Variants in PLXNA4 observed in about 807,000 individuals in gnomAD.
The protein encoded by PLXNA4 is plexin-A4.
Under a neutral mutation model 191.8 loss-of-function variants are expected in PLXNA4, and 44 were observed. That is an observed-to-expected ratio of 0.23 (90% CI 0.18 to 0.29). The LOEUF is 0.29. PLXNA4 is among the 10% of genes least tolerant of loss of function. The probability of loss-of-function intolerance (pLI) is 1.00; values close to 1 mark genes in which losing one functional copy is unlikely to be tolerated. For missense variants in PLXNA4, 1,800 were observed against 2,488.8 expected, an observed-to-expected ratio of 0.72 and a Z score of 5.89; for synonymous variants, 1,082 against 1,009.5, an observed-to-expected ratio of 1.07 and a Z score of -1.36.
chr7:132,474,479 A>C (rs73724022), intron 3 of PLXNA4, among the ~76,000 whole-genome samples: 4,602 of 152,106 alleles, frequency 0.03, 150 homozygotes, highest in African/African-American at 0.08. Flanking sequence ...CCTGCTTTCC[A>C]TCACCCAGGT....
intron 3 of PLXNA4, among the ~76,000 whole-genome samples, chr7:132,456,839 T>C (rs1796333441): frequency 6.6e-6 from 1 of 152,222 alleles, no homozygotes; most frequent in Non-Finnish European, 1.5e-5. Context: ...AACTGGTTCC[T>C]ACATCCCCAT....
chr7:132,307,139 C>A (rs777797781), intron 3 of PLXNA4, among the ~76,000 whole-genome samples: 2 of 152,130 alleles, frequency 1.3e-5, no homozygotes, highest in Admixed American at 6.5e-5. Flanking sequence ...CAGGCCCTCA[C>A]TGCCAATATC....
intron 4 of PLXNA4, among the ~76,000 whole-genome samples, chr7:132,254,111 T>G (rs1799350190): frequency 6.6e-6 from 1 of 152,160 alleles, no homozygotes; most frequent in Non-Finnish European, 1.5e-5. Context: ...CATAACTAAC[T>G]ATCTTAAGGC....
At chr7:132,475,480 C>T (rs923219158) in intron 3 of PLXNA4, among the ~76,000 whole-genome samples, 5 of 152,106 alleles carry the variant, frequency 3.3e-5, no homozygotes, top group Non-Finnish European at 7.4e-5. Flanking sequence ...ACCCTTGATG[C>T]CAGGAACCGC....
intron 20 of PLXNA4, among the ~76,000 whole-genome samples, chr7:132,179,017 T>TAC (rs1796591004): frequency 1.0e-5 from 1 of 97,956 alleles, no homozygotes; most frequent in Admixed American, 1.2e-4. Flanking sequence ...CACATACACA[T>TAC]ATACAGGCGC....
intron 1 of PLXNA4, among the ~76,000 whole-genome samples, chr7:132,527,601 T>G (rs12535486): frequency 0.039 from 5,463 of 141,428 alleles, 261 homozygotes; most frequent in African/African-American, 0.12. Flanking sequence ...GTGAACGGAC[T>G]AACAAGATTC....
chr7:132,198,503 C>A lies in PLXNA4; in HGVS notation c.2720G>T (p.Gly907Val). 6.2e-7 allele frequency: 1 copy of A among 1,614,156 alleles called. No individual in the cohort carries two copies. The highest frequency in any genetic ancestry group is 1.1e-5 in the South Asian group (1 of 91,080). Reference protein sequence around the residue: ...AGVECSPLVDGYIPAEQIVCE... With the variant: ...AGVECSPLVDVYIPAEQIVCE... ...CACTTACTGTTCTGCAGGGATGTAA[C>A]CATCCACTAAAGGGCTGCACTCCAC... The change falls in exon 13 of 32, where the codon GGT (glycine) becomes GTT (valine). Residue 907 changes from glycine (G) to valine (V), a missense_variant. Gly to Val is a moderately radical substitution (Grantham distance 109). Transcript: ENST00000321063.
At chr7:132,471,841 C>T (rs1796946801) in intron 3 of PLXNA4, among the ~76,000 whole-genome samples, 1 of 152,150 alleles carries the variant, frequency 6.6e-6, no homozygotes, top group Non-Finnish European at 1.5e-5. Flanking sequence ...CACGCAAGAA[C>T]AAACAAGCAG....
chr7:132,451,253 G>A (rs976172126), intron 3 of PLXNA4, among the ~76,000 whole-genome samples: 4 of 152,266 alleles, frequency 2.6e-5, no homozygotes, highest in East Asian at 1.9e-4. Flanking sequence ...CTTAAGGAGC[G>A]GCTGGGTTAT....
At chr7:132,536,126 T>C (rs114414010) in intron 1 of PLXNA4, among the ~76,000 whole-genome samples, 2,502 of 152,318 alleles carry the variant, frequency 0.016, 80 homozygotes, top group African/African-American at 0.056. Flanking sequence ...GGGGTTATAA[T>C]AGGACATACT....
chr7:132,298,151 G>A lies in PLXNA4; in HGVS notation c.1443C>T (p.Val481=), dbSNP rs767579115. 4 of 1,614,062 alleles carry A rather than the reference G, an allele frequency of 2.5e-6. No homozygotes were observed. Among genetic ancestry groups the A allele is most frequent in the Non-Finnish European group, 3.4e-6 (4 of 1,180,034 alleles). ...CCTTGGAGAAGGCCATATCCCGGAG[G>A]ACTGGGCCGGGGTCCACCACCTGCA... ...ETVQVVDPGP[V]LRDMAFSKDH... The change falls in exon 4 of 32, where the codon GTC becomes GTT. Residue 481 remains valine, a synonymous_variant. Transcript: ENST00000321063.
chr7:132,393,491 A>C (rs1793607841), intron 3 of PLXNA4, among the ~76,000 whole-genome samples: 1 of 151,800 alleles, frequency 6.6e-6, no homozygotes, highest in African/African-American at 2.4e-5. Context: ...TCATGGGAGC[A>C]CCCTTCCTCC....
chr7:132,159,752 G>C, intron 24 of PLXNA4, 120 bp from the exon 25 acceptor site: 1 of 1,501,758 alleles, frequency 6.7e-7, no homozygotes, highest in South Asian at 1.3e-5. Context: ...ATGGGCTAGG[G>C]AGGAGTAGGG....
chr7:132,339,423 G>A (rs1276363451), intron 3 of PLXNA4, among the ~76,000 whole-genome samples: 4 of 152,156 alleles, frequency 2.6e-5, no homozygotes, highest in African/African-American at 9.7e-5. Flanking sequence ...CCAGTTCTCA[G>A]TCACATATTC....
chr7:132,485,460 G>A (rs922458923), intron 3 of PLXNA4, among the ~76,000 whole-genome samples: 8 of 152,126 alleles, frequency 5.3e-5, no homozygotes, highest in East Asian at 1.9e-4. Context: ...AAAAATGATC[G>A]CTTAGTGAAA....
chr7:132,566,682 G>A (rs971049881), intron 1 of PLXNA4, among the ~76,000 whole-genome samples: 7 of 152,192 alleles, frequency 4.6e-5, no homozygotes, highest in African/African-American at 1.7e-4. Flanking sequence ...GATCTGTTAT[G>A]TGCAACCAAA....
chr7:132,289,364 C>T (rs1345920855), intron 4 of PLXNA4, among the ~76,000 whole-genome samples: 1 of 152,092 alleles, frequency 6.6e-6, no homozygotes, highest in Admixed American at 6.5e-5. Context: ...ACCTGCTAAC[C>T]TAGTCTCTGA....
intron 1 of PLXNA4, among the ~76,000 whole-genome samples, chr7:132,562,682 C>T (rs1362287671): frequency 5.3e-5 from 6 of 112,438 alleles, no homozygotes; most frequent in Non-Finnish European, 9.2e-5. Flanking sequence ...TCCTCCTCCT[C>T]TCCTCCTTTT....
At chr7:132,568,236 G>T (rs1801821440) in intron 1 of PLXNA4, among the ~76,000 whole-genome samples, 1 of 152,174 alleles carries the variant, frequency 6.6e-6, no homozygotes, top group Admixed American at 6.5e-5. Flanking sequence ...ACCTCCCCCT[G>T]CTTCCCAGCA....
Sources: gnomAD v4.1 joint callset for allele counts (sites outside exome capture counted in the v4.1 genomes callset) on GRCh38, gnomAD v4.1.1 for gene constraint, MANE v1.5 for transcripts, NCBI Gene and HGNC (gene_info 2026-07-23, HGNC 2026-07-21) for gene names.